Variants in GNA13 observed in about 807,000 individuals in gnomAD.
The protein encoded by GNA13 is guanine nucleotide-binding protein subunit alpha-13.
Under a neutral mutation model 33.5 loss-of-function variants are expected in GNA13, and 4 were observed. The ratio of observed to expected loss-of-function variants is 0.12; its 90% CI spans 0.06 to 0.27. GNA13 has a LOEUF of 0.27. Among genes scored for constraint, GNA13 ranks in the 10% least tolerant of loss-of-function variants. The probability of loss-of-function intolerance (pLI) is 1.00; values close to 1 mark genes in which losing one functional copy is unlikely to be tolerated. For synonymous variants in GNA13, 176 were observed against 183.8 expected (o/e 0.96, Z 0.34); for missense variants, 319 against 487.2 (o/e 0.65, Z 3.25).
chr17:65,053,651 T>C lies in GNA13; in HGVS notation c.361A>G (p.Lys121Glu). The C allele has an allele frequency of 6.2e-7, 1 of 1,614,024 alleles. No individual in the cohort carries two copies. The highest frequency in any genetic ancestry group is 8.5e-7 in the Non-Finnish European group (1 of 1,179,876). ...GCCCGGGTATCAAACGACATCATCT[T>C]ATCTCCATGTTGTTGGTTTGAGTTG... is the stretch of plus-strand genomic sequence containing the variant. ...GDNSNQQHGD[K>E]MMSFDTRAPM... The change falls in exon 2 of 4, where the codon AAG becomes GAG. Residue 121 changes from lysine (K) to glutamate (E), a missense_variant. Lys to Glu is a moderately conservative substitution (Grantham distance 56). Transcript: ENST00000439174.
chr17:65,045,042 C>CAAAAA (rs1244382117), intron 2 of GNA13, among the ~76,000 whole-genome samples: 12 of 53,056 alleles, frequency 2.3e-4, no homozygotes, highest in South Asian at 6.1e-4. Context: ...GACTCCATCT[C>CAAAAA]AAAAAAAAAA....
chr17:65,043,286 T>C (rs1907529468), intron 2 of GNA13, among the ~76,000 whole-genome samples: 2 of 63,554 alleles, frequency 3.1e-5, no homozygotes, highest in South Asian at 1.7e-3. Context: ...TGAACATGTT[T>C]ATTAATTTTT....
chr17:65,050,709 C>G (rs1020875731), intron 2 of GNA13, among the ~76,000 whole-genome samples: 7 of 152,048 alleles, frequency 4.6e-5, no homozygotes, highest in Admixed American at 4.6e-4. Context: ...CCAGCCTGGG[C>G]AACAGTGAGA....
At position 65,026,037 on chromosome 17, in the gene GNA13, G is replaced by C. The variant is rs558688936; in HGVS notation, c.511-7734C>G. On this transcript the variant is annotated intron_variant, in intron 2 of 3. Coordinates refer to ENST00000439174, the MANE Select transcript of GNA13 (RefSeq NM_006572.6). ...TAAGACACAACAAAAAAAATTATAA[G>C]TAATGTATAAGGTTTTAATTTTCAG... 4.6e-5 allele frequency among the ~76,000 whole-genome samples: 7 copies of C among 151,962 alleles called. No homozygotes were observed. In the East Asian group the frequency reaches 1.4e-3, roughly 29 times the overall value.
Position 65,009,690 on chromosome 17 carries a change from CAGAGT to C in GNA13, c.*4562_*4566del, listed in dbSNP as rs372993120. On this transcript the variant is annotated 3_prime_UTR_variant, in exon 4 of 4. Transcript: ENST00000439174. Reference sequence around the variant, plus strand: ...CTTCTTGTGGTAAATGAGCTCTCACCAGAGTAGAGTAGTTTAGAAAAGCCATTTCA... The same window carrying C: ...CTTCTTGTGGTAAATGAGCTCTCACCAGAGTAGTTTAGAAAAGCCATTTCA... Among the ~76,000 whole-genome samples the C allele has an allele frequency of 7.9e-5, 12 of 152,172 alleles. No homozygotes were observed. Among genetic ancestry groups the C allele is most frequent in the African/African-American group, 2.9e-4 (12 of 41,528 alleles).
At chr17:65,015,147 C>T (rs963353631) in intron 3 of GNA13, among the ~76,000 whole-genome samples, 1 of 152,076 alleles carries the variant, frequency 6.6e-6, no homozygotes, top group Non-Finnish European at 1.5e-5. Context: ...GTTAGCAGGA[C>T]GGGTTCAAAA....
At chr17:65,039,296 G>A (rs2143810489) in intron 2 of GNA13, among the ~76,000 whole-genome samples, 1 of 152,278 alleles carries the variant, frequency 6.6e-6, no homozygotes, top group Non-Finnish European at 1.5e-5. Flanking sequence ...CCAAACTCTG[G>A]AACTGGTTAG....
rs1248816490 is a variant in GNA13 at position 65,056,540 on chromosome 17, G to A, written c.54C>T (p.Cys18=). 6.2e-7 allele frequency: 1 copy of A among 1,612,600 alleles called. No individual in the cohort carries two copies. Among genetic ancestry groups the A allele is most frequent in the Non-Finnish European group, 8.5e-7 (1 of 1,179,760 alleles). ...RSVLSVCFPG[C]LLTSGEAEQQ... is the part of the protein sequence containing the mutation. ...GCTCGGCCTCGCCACTCGTCAGCAG[G>A]CAGCCGGGGAAGCACACGGACAGCA... is the stretch of plus-strand genomic sequence containing the variant. Residue 18 remains cysteine (C), a synonymous_variant, in exon 1 of 4, where the codon TGC becomes TGT. Transcript: ENST00000439174.
intron 2 of GNA13, among the ~76,000 whole-genome samples, chr17:65,020,051 C>T (rs1490175321): frequency 6.6e-6 from 1 of 152,236 alleles, no homozygotes; most frequent in East Asian, 1.9e-4. Flanking sequence ...ATAAGCTCAA[C>T]AGCTTCTGAT....
intron 1 of GNA13, among the ~76,000 whole-genome samples, chr17:65,054,359 T>C (rs1198271244): frequency 6.6e-6 from 1 of 152,192 alleles, no homozygotes; most frequent in Non-Finnish European, 1.5e-5. Flanking sequence ...TCACAGAGGT[T>C]AGTTGAAACT....
intron 2 of GNA13, among the ~76,000 whole-genome samples, chr17:65,027,942 A>G (rs1350957843): frequency 6.6e-6 from 1 of 152,178 alleles, no homozygotes; most frequent in South Asian, 2.1e-4. Flanking sequence ...CCATCTACTA[A>G]AAGTACAAAC....
intron 2 of GNA13, among the ~76,000 whole-genome samples, chr17:65,023,395 T>C (rs1906659265): frequency 6.6e-6 from 1 of 152,244 alleles, no homozygotes; most frequent in Non-Finnish European, 1.5e-5. Flanking sequence ...TTCGATGTCT[T>C]AGCAGCGCTA....
At chr17:65,018,092 T>TAAAAAAAAAAAAAAAA (rs767082596) in intron 3 of GNA13, among the ~76,000 whole-genome samples, 161 bp downstream of exon 3, 1 of 21,474 alleles carries the variant, frequency 4.7e-5, no homozygotes, top group African/African-American at 1.4e-4. Flanking sequence ...ACGCCACCAC[T>TAAAAAAAAAAAAAAAA]AAAAAAAAAA....
chr17:65,028,095 G>A (rs994812751), intron 2 of GNA13, among the ~76,000 whole-genome samples: 39 of 152,148 alleles, frequency 2.6e-4, no homozygotes, highest in South Asian at 2.1e-4. Flanking sequence ...GCGCGGTGGC[G>A]GGTGCCTGTA....
Position 65,014,878 on chromosome 17 carries a change from G to A in GNA13, c.562-49C>T, listed in dbSNP as rs771782444. On this transcript the variant is annotated intron_variant, in intron 3 of 3. Transcript: ENST00000439174. The surrounding 1 kb of genome is among the most constrained non-coding windows in gnomAD (Gnocchi z 5.3). ...ATACCTATTAATCCCGAAGTAATGC[G>A]AATTTTTAATGGACTACTAACTGGA... The A allele has an allele frequency of 2.5e-5, 29 of 1,150,350 alleles. No homozygotes were observed. The highest frequency in any genetic ancestry group is 2.2e-4 in the South Asian group (16 of 71,844). 71.3% of individuals were successfully genotyped at this position (1,150,350 alleles called of 1,614,324 possible). A position where few individuals can be genotyped will look rare whatever the true frequency, so the allele number is the denominator to read the frequency against.
At chr17:65,040,050 A>G (rs1907398381) in intron 2 of GNA13, among the ~76,000 whole-genome samples, 1 of 152,348 alleles carries the variant, frequency 6.6e-6, no homozygotes, top group Middle Eastern at 3.4e-3. Context: ...CTTACCAGAA[A>G]AAGTATTTCT....
At chr17:65,044,936 G>A (rs1002719428) in intron 2 of GNA13, among the ~76,000 whole-genome samples, 3 of 151,394 alleles carry the variant, frequency 2.0e-5, no homozygotes, top group African/African-American at 7.3e-5. Flanking sequence ...CCAGGTACTC[G>A]GGAGGCTGAG....
intron 2 of GNA13, among the ~76,000 whole-genome samples, chr17:65,025,219 T>C (rs1232442308): frequency 6.6e-6 from 1 of 152,000 alleles, no homozygotes; most frequent in Non-Finnish European, 1.5e-5. Context: ...TTTCAAGCAG[T>C]ATTTGCATTC....
At chr17:65,023,837 A>G (rs1450933137) in intron 2 of GNA13, among the ~76,000 whole-genome samples, 1 of 152,248 alleles carries the variant, frequency 6.6e-6, no homozygotes, top group East Asian at 1.9e-4. Flanking sequence ...GCAAATGAAG[A>G]GCTTCTACCT....
Sources: gnomAD v4.1 joint callset for allele counts (sites outside exome capture counted in the v4.1 genomes callset) on GRCh38, gnomAD v4.1.1 for gene constraint, Gnocchi (gnomAD v3.1) non-coding constraint, MANE v1.5 for transcripts, NCBI Gene and HGNC (gene_info 2026-07-23, HGNC 2026-07-21) for gene names.